SUGCT: variants seen among roughly 807,000 people sequenced by gnomAD.
SUGCT encodes succinyl-CoA:glutarate CoA-transferase.
In SUGCT, 41 loss-of-function variants were observed where a neutral mutation model predicts 55.0. That is an observed-to-expected ratio of 0.74 (90% CI 0.58 to 0.97). The LOEUF is 0.97. Ranked by LOEUF, SUGCT falls within the 50% of genes least tolerant of loss-of-function variation. The probability of loss-of-function intolerance (pLI) is 0.00; values close to 1 mark genes in which losing one functional copy is unlikely to be tolerated. For missense variants in SUGCT, 568 were observed against 547.8 expected (o/e 1.04, Z -0.37); for synonymous variants, 187 against 200.4 (o/e 0.93, Z 0.56).
intron 9 of SUGCT, among the ~76,000 whole-genome samples, chr7:40,340,790 G>C (rs1326670849): frequency 6.6e-6 from 1 of 152,164 alleles, no homozygotes; most frequent in Admixed American, 6.5e-5. Context: ...GTCGACTGGA[G>C]AATCAATGAG....
Position 40,248,888 on chromosome 7 carries a change from GCACACACACACACACACACACGCACA to G in SUGCT, c.576+11174_576+11199del, listed in dbSNP as rs1790100808. ...CTCTTTCCAGCGCGCGCGCGCGCTC[GCACACACACACACACACACACGCACA>G]CACACACACACTCCCTCTCTCTCTG... On this transcript the variant is annotated intron_variant, in intron 7 of 13. Transcript: ENST00000335693. Among the ~76,000 whole-genome samples the G allele has an allele frequency of 2.2e-5, 3 of 135,578 alleles. No homozygotes were observed. The South Asian group carries it at 7.4e-4, about 33-fold the overall frequency. 88.9% of individuals were successfully genotyped at this position (135,578 alleles called of 152,430 possible). A position where few individuals can be genotyped will look rare whatever the true frequency, so the allele number is the denominator to read the frequency against.
Position 40,713,705 on chromosome 7 carries a change from C to T in SUGCT, c.1090-35729C>T, listed in dbSNP as rs189136271. 1.4e-3 allele frequency among the ~76,000 whole-genome samples: 208 copies of T among 152,292 alleles called. 1 individual carries two copies. The highest frequency in any genetic ancestry group is 4.8e-3 in the African/African-American group (199 of 41,556). On this transcript the variant is annotated intron_variant, in intron 12 of 13. Coordinates refer to ENST00000335693, the MANE Select transcript of SUGCT (RefSeq NM_001193313.2). ...TGTAGCATGTGCAAATCCTTCTCTG[C>T]ACTTACACATCTAGCTGTGGTCAAT...
At chr7:40,339,255 C>A (rs1796908259) in intron 9 of SUGCT, among the ~76,000 whole-genome samples, 1 of 152,168 alleles carries the variant, frequency 6.6e-6, no homozygotes, top group South Asian at 2.1e-4. Flanking sequence ...GTTGGGAGAA[C>A]CACTGTTCTC....
At chr7:40,163,483 T>C (rs1380409580) in intron 1 of SUGCT, among the ~76,000 whole-genome samples, 2 of 151,830 alleles carry the variant, frequency 1.3e-5, no homozygotes, top group Non-Finnish European at 2.9e-5. Context: ...CGCGCACCTG[T>C]AGTCCCAGCT....
the SUGCT span, among the ~76,000 whole-genome samples, chr7:40,951,158 A>G: frequency 2.6e-5 from 4 of 152,190 alleles, no homozygotes; most frequent in East Asian, 1.9e-4. Context: ...GTCTATTCAG[A>G]GATTCAACTT....
At chr7:40,810,266 C>A (rs1357386053) in intron 13 of SUGCT, among the ~76,000 whole-genome samples, 1 of 152,106 alleles carries the variant, frequency 6.6e-6, no homozygotes, top group Admixed American at 6.6e-5. Context: ...GATTTATTTT[C>A]TTTTGGATAC....
At chr7:40,277,682 T>TATAATTATA (rs1357450177) in intron 8 of SUGCT, among the ~76,000 whole-genome samples, 1 of 148,386 alleles carries the variant, frequency 6.7e-6, no homozygotes, top group Admixed American at 6.8e-5. Flanking sequence ...TTTTTGTTAT[T>TATAATTATA]ATTATTATTA....
At chr7:41,005,401 C>T in the SUGCT span, among the ~76,000 whole-genome samples, 1 of 152,112 alleles carries the variant, frequency 6.6e-6, no homozygotes, top group Non-Finnish European at 1.5e-5. Flanking sequence ...GAGGTGTCTC[C>T]ATATAAAGTC....
the SUGCT span, among the ~76,000 whole-genome samples, chr7:41,005,671 G>T: frequency 6.6e-6 from 1 of 152,168 alleles, no homozygotes; most frequent in African/African-American, 2.4e-5. Flanking sequence ...GGTTACCTAT[G>T]TTTAGGTTTG....
chr7:40,561,688 CTTTTTTTTTTT>C (rs777766517), intron 12 of SUGCT, among the ~76,000 whole-genome samples: 1 of 100,154 alleles, frequency 1.0e-5, no homozygotes, highest in Non-Finnish European at 2.0e-5. Flanking sequence ...TAAGCCGAGT[CTTTTTTTTTTT>C]TTTTTTTTTT....
At chr7:40,404,536 A>T (rs1026735769) in intron 9 of SUGCT, among the ~76,000 whole-genome samples, 1 of 151,754 alleles carries the variant, frequency 6.6e-6, no homozygotes, top group African/African-American at 2.4e-5. Flanking sequence ...CTCCTGGGTT[A>T]AGCGATTCTC....
chr7:40,692,069 C>T (rs1784724318), intron 12 of SUGCT, among the ~76,000 whole-genome samples: 1 of 152,138 alleles, frequency 6.6e-6, no homozygotes, highest in African/African-American at 2.4e-5. Flanking sequence ...CGCTGTATCA[C>T]CTCTGCCTCA....
intron 13 of SUGCT, among the ~76,000 whole-genome samples, chr7:40,788,018 A>G (rs1790118323): frequency 6.6e-6 from 1 of 152,182 alleles, no homozygotes; most frequent in East Asian, 1.9e-4. Context: ...ATCTTCCAGC[A>G]GTAATAAGCC....
At chr7:40,347,157 A>C (rs1797360646) in intron 9 of SUGCT, among the ~76,000 whole-genome samples, 1 of 152,198 alleles carries the variant, frequency 6.6e-6, no homozygotes, top group Admixed American at 6.5e-5. Flanking sequence ...TGTTGGTAGA[A>C]GTATGGACAT....
At chr7:40,318,688 C>T (rs1359609659) in intron 9 of SUGCT, among the ~76,000 whole-genome samples, 3 of 152,208 alleles carry the variant, frequency 2.0e-5, no homozygotes, top group Admixed American at 1.3e-4. Context: ...CCACCTGCCT[C>T]GTCCTCCCAA....
At chr7:40,948,328 A>G in the SUGCT span, among the ~76,000 whole-genome samples, 3 of 152,206 alleles carry the variant, frequency 2.0e-5, no homozygotes, top group East Asian at 1.9e-4. Context: ...GCAACTTTCA[A>G]TAAGTAACTT....
chr7:40,222,818 T>C (rs1265351936), intron 6 of SUGCT, among the ~76,000 whole-genome samples: 1 of 152,086 alleles, frequency 6.6e-6, no homozygotes, highest in Non-Finnish European at 1.5e-5. Flanking sequence ...TTAGTAGAGA[T>C]GGGGTTTCAC....
At chr7:40,931,684 T>A in the SUGCT span, among the ~76,000 whole-genome samples, 3 of 152,218 alleles carry the variant, frequency 2.0e-5, no homozygotes, top group Admixed American at 6.5e-5. Flanking sequence ...TATCCATTTC[T>A]TCTAGATTTT....
intron 9 of SUGCT, among the ~76,000 whole-genome samples, chr7:40,343,359 G>A (rs1407156939): frequency 6.6e-6 from 1 of 151,950 alleles, no homozygotes; most frequent in African/African-American, 2.4e-5. Context: ...GCATGTGCTG[G>A]CCAAGTTTAT....
Sources: allele counts gnomAD v4.1 joint callset (sites outside exome capture counted in the v4.1 genomes callset), GRCh38; gene constraint gnomAD v4.1.1; transcripts MANE v1.5; gene names NCBI Gene and HGNC (gene_info 2026-07-23, HGNC 2026-07-21).